RIMS1: variants seen among roughly 807,000 people sequenced by gnomAD.
RIMS1 encodes regulating synaptic membrane exocytosis 1, also known as regulating synaptic membrane exocytosis protein 1.
In RIMS1, 83 loss-of-function variants were observed where a neutral mutation model predicts 214.1. That is an observed-to-expected ratio of 0.39 (90% CI 0.32 to 0.47). RIMS1 has a LOEUF of 0.47. Ranked by LOEUF, RIMS1 falls within the 20% of genes least tolerant of loss-of-function variation. The pLI, the probability that RIMS1 is intolerant of heterozygous loss-of-function variation, is 0.99. For synonymous variants in RIMS1, 793 were observed against 786.8 expected (o/e 1.01, Z -0.13); for missense variants, 2,050 against 2,161.8 (o/e 0.95, Z 1.03).
intron 2 of RIMS1, among the ~76,000 whole-genome samples, chr6:72,068,212 C>T (rs1829777605): frequency 1.3e-5 from 2 of 152,196 alleles, no homozygotes; most frequent in African/African-American, 4.8e-5. Context: ...CAGTAATATT[C>T]TACCATGTTC....
rs528222126 is a variant in RIMS1, at chr6:72,123,558, T to C, written c.471+23572T>C. Among the ~76,000 whole-genome samples the C allele has an allele frequency of 3.9e-4, 59 of 152,030 alleles. No homozygotes were observed. In the East Asian group the frequency reaches 0.011, roughly 27 times the overall value. On this transcript the variant is annotated intron_variant, in intron 4 of 33. Transcript: ENST00000521978. ...CTTTCTGTCTCGTTGATCTGTCTAA[T>C]ATTGACAGTGGGGTGTTAAAGTCTC...
At chr6:72,206,674 A>G (rs1359586539) in intron 6 of RIMS1, among the ~76,000 whole-genome samples, 1 of 152,158 alleles carries the variant, frequency 6.6e-6, no homozygotes, top group Non-Finnish European at 1.5e-5. Flanking sequence ...TTTTTCTTCC[A>G]TAGTTTCCAG....
chr6:72,195,823 A>G (rs867997759), intron 6 of RIMS1, among the ~76,000 whole-genome samples: 9 of 152,120 alleles, frequency 5.9e-5, no homozygotes, highest in Admixed American at 3.9e-4. Flanking sequence ...GTTGACTCAT[A>G]ATTCTGCATG....
chr6:72,017,429 C>G (rs1451903926), intron 2 of RIMS1, among the ~76,000 whole-genome samples: 2 of 151,932 alleles, frequency 1.3e-5, no homozygotes, highest in Non-Finnish European at 2.9e-5. Context: ...TCCATTTTAC[C>G]AATTGGATGT....
chr6:72,107,838 T>A (rs578135986), intron 4 of RIMS1, among the ~76,000 whole-genome samples: 1 of 152,340 alleles, frequency 6.6e-6, no homozygotes, highest in East Asian at 1.9e-4. Context: ...TAGTGGTAGC[T>A]GCAGTAAATC....
intron 4 of RIMS1, among the ~76,000 whole-genome samples, chr6:72,102,357 T>C (rs1489092942): frequency 6.6e-6 from 1 of 152,010 alleles, no homozygotes; most frequent in Non-Finnish European, 1.5e-5. Flanking sequence ...CAATAAATGT[T>C]AGCATTACTC....
intron 6 of RIMS1, chr6:72,212,742 A>G (rs2154008257): frequency 1.1e-6 from 1 of 881,144 alleles, no homozygotes; most frequent in Non-Finnish European, 1.4e-6. Flanking sequence ...GTCATCTGGC[A>G]GAGAGCTTAT....
At chr6:71,915,131 G>A (rs551285985) in intron 1 of RIMS1, among the ~76,000 whole-genome samples, 1 of 151,702 alleles carries the variant, frequency 6.6e-6, no homozygotes, top group Non-Finnish European at 1.5e-5. Context: ...CTTATTTGTG[G>A]GTATTATTCA....
intron 29 of RIMS1, among the ~76,000 whole-genome samples, chr6:72,363,233 G>A (rs557060467): frequency 2.0e-5 from 3 of 152,104 alleles, no homozygotes; most frequent in Non-Finnish European, 2.9e-5. Flanking sequence ...GATGGAAAAG[G>A]TGAAAGTAAT....
chr6:72,293,345 A>C (rs2093671926), intron 26 of RIMS1, among the ~76,000 whole-genome samples: 1 of 151,942 alleles, frequency 6.6e-6, no homozygotes, highest in South Asian at 2.1e-4. Context: ...ATTCATTGAC[A>C]TGTTTAACAT....
chr6:72,233,703 A>G (rs1589867107), intron 6 of RIMS1, 70 bp from the exon 7 acceptor site: 1 of 1,117,322 alleles, frequency 8.9e-7, no homozygotes. Flanking sequence ...AGATCGAAGA[A>G]GTAAAGCTTA....
intron 4 of RIMS1, among the ~76,000 whole-genome samples, chr6:72,108,741 G>A (rs2035320943): frequency 6.6e-6 from 1 of 151,092 alleles, no homozygotes; most frequent in South Asian, 2.1e-4. Context: ...GGGTACATGT[G>A]CACAATATGC....
At chr6:71,979,073 C>G (rs1797841237) in intron 2 of RIMS1, among the ~76,000 whole-genome samples, 1 of 151,996 alleles carries the variant, frequency 6.6e-6, no homozygotes, top group Non-Finnish European at 1.5e-5. Context: ...CTTGTTCTGC[C>G]ATAGCTATTT....
At chr6:71,900,729 T>C (rs950332487) in intron 1 of RIMS1, among the ~76,000 whole-genome samples, 1 of 152,088 alleles carries the variant, frequency 6.6e-6, no homozygotes, top group African/African-American at 2.4e-5. Flanking sequence ...AATTTAGTCC[T>C]GGTTATTTGG....
At chr6:71,956,332 T>C (rs1238886708) in intron 1 of RIMS1, among the ~76,000 whole-genome samples, 2 of 152,060 alleles carry the variant, frequency 1.3e-5, no homozygotes, top group East Asian at 1.9e-4. Flanking sequence ...TCGACAGGAT[T>C]TCACATAAAG....
At chr6:72,170,589 C>T (rs751380204) in intron 4 of RIMS1, among the ~76,000 whole-genome samples, 11 of 152,020 alleles carry the variant, frequency 7.2e-5, no homozygotes, top group East Asian at 1.9e-4. Context: ...GTGATCCACC[C>T]GCCTCAGCCT....
At chr6:72,041,776 C>A (rs1211337167) in intron 2 of RIMS1, among the ~76,000 whole-genome samples, 1 of 151,912 alleles carries the variant, frequency 6.6e-6, no homozygotes, top group Non-Finnish European at 1.5e-5. Flanking sequence ...TGTGCAGACA[C>A]AAAACACATA....
At chr6:72,368,712 T>G (rs2098124893) in intron 29 of RIMS1, among the ~76,000 whole-genome samples, 1 of 152,144 alleles carries the variant, frequency 6.6e-6, no homozygotes, top group African/African-American at 2.4e-5. Flanking sequence ...AGCATATAAA[T>G]TCAGATGACA....
chr6:72,334,024 G>A (rs1564183132), intron 29 of RIMS1, among the ~76,000 whole-genome samples, 189 bp downstream of exon 29: 1 of 151,724 alleles, frequency 6.6e-6, no homozygotes, highest in Non-Finnish European at 1.5e-5. Context: ...TCTTCACAAG[G>A]TATCACTTTT....
Sources: allele counts gnomAD v4.1 joint callset (sites outside exome capture counted in the v4.1 genomes callset), GRCh38; gene constraint gnomAD v4.1.1; transcripts MANE v1.5; gene names NCBI Gene and HGNC (gene_info 2026-07-23, HGNC 2026-07-21).